TRAPPC8: variants seen among roughly 807,000 people sequenced by gnomAD.
TRAPPC8 encodes the protein general sporulation gene 1 homolog.
In TRAPPC8, 54 loss-of-function variants were observed where a neutral mutation model predicts 174.3. The ratio of observed to expected loss-of-function variants is 0.31; its 90% CI spans 0.25 to 0.39. TRAPPC8 has a LOEUF of 0.39. TRAPPC8 is among the 10% of genes least tolerant of loss of function. The probability of loss-of-function intolerance (pLI) is 1.00; values close to 1 mark genes in which losing one functional copy is unlikely to be tolerated. For missense variants in TRAPPC8, 1,531 were observed against 1,699.1 expected (o/e 0.90, Z 1.74); for synonymous variants, 630 against 579.9 (o/e 1.09, Z -1.24).
intron 1 of TRAPPC8, 23 bp downstream of exon 1, chr18:31,942,585 G>A (rs897888586): frequency 9.9e-6 from 15 of 1,509,008 alleles, no homozygotes; most frequent in Non-Finnish European, 1.2e-5. Context: ...GGAGCCCACT[G>A]GAAAAGGGAG....
At chr18:31,871,547 C>T (rs1056566594) in intron 14 of TRAPPC8, among the ~76,000 whole-genome samples, 1 of 151,968 alleles carries the variant, frequency 6.6e-6, no homozygotes, top group African/African-American at 2.4e-5. Flanking sequence ...TACTCTCCTT[C>T]GCCCCCACTG....
At chr18:31,880,663 C>T (rs761990161) in intron 12 of TRAPPC8, among the ~76,000 whole-genome samples, 16 of 151,794 alleles carry the variant, frequency 1.1e-4, no homozygotes, top group Non-Finnish European at 1.5e-4. Context: ...ACAGCAATCA[C>T]GCAAGAGAAA....
chr18:31,920,368 C>T (rs548600082), intron 2 of TRAPPC8, among the ~76,000 whole-genome samples: 2 of 152,190 alleles, frequency 1.3e-5, no homozygotes, highest in Non-Finnish European at 2.9e-5. Flanking sequence ...CAGGAGAAAA[C>T]TGATGAACAA....
chr18:31,906,376 A>G (rs2036660499), intron 9 of TRAPPC8, among the ~76,000 whole-genome samples: 1 of 151,690 alleles, frequency 6.6e-6, no homozygotes, highest in African/African-American at 2.4e-5. Flanking sequence ...CAATAGTAAT[A>G]TAATTTTGCT....
chr18:31,833,482 C>T (rs1289492007), intron 27 of TRAPPC8: 3 of 152,240 alleles, frequency 2.0e-5, no homozygotes, highest in Admixed American at 2.0e-4. Flanking sequence ...ACCCACACAT[C>T]TCTGGAACCT....
intron 26 of TRAPPC8, among the ~76,000 whole-genome samples, chr18:31,842,392 A>AG (rs1454139631): frequency 6.6e-6 from 1 of 152,216 alleles, no homozygotes. Flanking sequence ...GCAAAGTTTC[A>AG]GAACACTGAT....
At chr18:31,837,717 AAAAG>A (rs1336063372) in intron 27 of TRAPPC8, among the ~76,000 whole-genome samples, 1 of 151,878 alleles carries the variant, frequency 6.6e-6, no homozygotes, top group Non-Finnish European at 1.5e-5. Flanking sequence ...TAAAAAAAGA[AAAAG>A]AAGAAGAAGA....
Position 31,852,877 on chromosome 18 carries a change from G to GTATA in TRAPPC8, c.3434-218_3434-215dup, listed in dbSNP as rs145821237. 20 of 496,170 alleles carry GTATA rather than the reference G, an allele frequency of 4.0e-5. 1 individual carries two copies. The East Asian group carries it at 7.0e-4, about 17-fold the overall frequency. 30.7% of individuals were successfully genotyped at this position (496,170 alleles called of 1,614,324 possible). A position where few individuals can be genotyped will look rare whatever the true frequency, so the allele number is the denominator to read the frequency against. ...AAAATACATATCCATGTGTGCACAT[G>GTATA]TATATATATATATGTATTCATATAT... On this transcript the variant is annotated intron_variant, in intron 22 of 28. Transcript: ENST00000283351.
chr18:31,874,960 G>A (rs1454306718), intron 12 of TRAPPC8, among the ~76,000 whole-genome samples: 1 of 152,108 alleles, frequency 6.6e-6, no homozygotes, highest in East Asian at 1.9e-4. Flanking sequence ...GAAAAGGGAG[G>A]CCAGACTGCT....
rs777205686 is a variant in TRAPPC8, at chr18:31,857,716, A to G, written c.3012T>C (p.Phe1004=). 3 of 1,614,046 alleles carry G rather than the reference A, an allele frequency of 1.9e-6. No individual in the cohort carries two copies. Among genetic ancestry groups the G allele is most frequent in the African/African-American group, 1.3e-5 (1 of 74,924 alleles). ...ALISSASSVD[F]GIGTGSQPEV... is the part of the protein sequence containing the mutation. ...CTGGTTGACTTCCTGTGCCAATGCC[A>G]AAGTCTACAGAAGAAGCTGATGATA... Residue 1004 remains phenylalanine (F), a synonymous_variant, in exon 20 of 29, where the codon TTT becomes TTC. Transcript: ENST00000283351.
At chr18:31,916,659 A>T (rs2037160610) in intron 3 of TRAPPC8, among the ~76,000 whole-genome samples, 1 of 152,148 alleles carries the variant, frequency 6.6e-6, no homozygotes, top group South Asian at 2.1e-4. Flanking sequence ...CAGCCTCCAG[A>T]GTAGCTGGGA....
chr18:31,881,198 CA>C lies in TRAPPC8; in HGVS notation c.1729-6495del, dbSNP rs147998237. 8.9e-3 allele frequency among the ~76,000 whole-genome samples: 1,350 copies of C among 151,954 alleles called. 20 individuals carry two copies. Among genetic ancestry groups the C allele is most frequent in the African/African-American group, 0.03 (1,242 of 41,470 alleles). On this transcript the variant is annotated intron_variant, in intron 12 of 28. Coordinates refer to ENST00000283351, the MANE Select transcript of TRAPPC8 (RefSeq NM_014939.5). Reference sequence around the variant, plus strand: ...CCTGAGTAGCCAACAAAGTCCTAAGCAAAAACAAAGCCCGAGGCATCACATT... The same window carrying C: ...CCTGAGTAGCCAACAAAGTCCTAAGCAAAACAAAGCCCGAGGCATCACATT...
intron 6 of TRAPPC8, 87 bp downstream of exon 6, chr18:31,909,580 C>T (rs931080640): frequency 6.7e-7 from 1 of 1,482,814 alleles, no homozygotes; most frequent in Non-Finnish European, 8.9e-7. Flanking sequence ...AAAATTTCCC[C>T]CATCTTTTAT....
rs1473826920 is a variant in TRAPPC8, at chr18:31,908,305, C to T, written c.1236G>A (p.Leu412=). The T allele has an allele frequency of 1.3e-6, 2 of 1,593,952 alleles. No homozygotes were observed. The highest frequency in any genetic ancestry group is 1.7e-6 in the Non-Finnish European group (2 of 1,170,950). The change falls in exon 8 of 29, where the codon TTG becomes TTA. Residue 412 remains leucine (L), a splice_region_variant and synonymous_variant. Transcript: ENST00000283351. ...SINDLKNTSG[L]LYPPEAPELQ... is the part of the protein sequence containing the mutation. ...AAAAATGATAACACTTTACTCACAG[C>T]AAGCCAGATGTATTTTTCAGGTCAT...
intron 1 of TRAPPC8, among the ~76,000 whole-genome samples, chr18:31,936,340 TGTAATCCCAGCTACCCA>T (rs1568159175): frequency 6.6e-6 from 1 of 151,864 alleles, no homozygotes; most frequent in East Asian, 2.0e-4. Flanking sequence ...GATGCAAACC[TGTAATCCCAGCTACCCA>T]GGAGGCCAAT....
intron 12 of TRAPPC8, among the ~76,000 whole-genome samples, chr18:31,890,376 T>C (rs958156281): frequency 6.6e-6 from 1 of 152,182 alleles, no homozygotes; most frequent in Non-Finnish European, 1.5e-5. Context: ...AAAAGTACTT[T>C]GAAAGAGAAC....
At chr18:31,850,257 T>C (rs1395430984) in intron 24 of TRAPPC8, among the ~76,000 whole-genome samples, 1 of 152,074 alleles carries the variant, frequency 6.6e-6, no homozygotes, top group East Asian at 1.9e-4. Context: ...AGCTGCAAGT[T>C]ACCCTGAATC....
chr18:31,920,311 C>T (rs1411255660), intron 2 of TRAPPC8, among the ~76,000 whole-genome samples: 2 of 152,114 alleles, frequency 1.3e-5, no homozygotes, highest in Non-Finnish European at 2.9e-5. Context: ...TTCTTAGCAA[C>T]ACTATCTGTA....
At chr18:31,920,948 A>AT (rs2037361534) in intron 2 of TRAPPC8, among the ~76,000 whole-genome samples, 1 of 145,748 alleles carries the variant, frequency 6.9e-6, no homozygotes, top group Non-Finnish European at 1.5e-5. Flanking sequence ...TCCGTCTCAA[A>AT]AAAAAAAAAA....
Sources: allele counts gnomAD v4.1 joint callset (sites outside exome capture counted in the v4.1 genomes callset), GRCh38; gene constraint gnomAD v4.1.1; transcripts MANE v1.5; gene names NCBI Gene and HGNC (gene_info 2026-07-23, HGNC 2026-07-21).